Variants in SCML4 observed in about 807,000 individuals in gnomAD.
The protein encoded by SCML4 is sex comb on midleg-like protein 4.
In SCML4, 34 loss-of-function variants were observed where a neutral mutation model predicts 41.1. The observed-to-expected ratio is 0.83, with a 90% CI of 0.63 to 1.10. SCML4 has a LOEUF of 1.10. SCML4 is among the 50% of genes least tolerant of loss of function. The pLI, the probability that SCML4 is intolerant of heterozygous loss-of-function variation, is 0.00. For missense variants in SCML4, 522 were observed against 534.1 expected (o/e 0.98, Z 0.22); for synonymous variants, 214 against 220.9 (o/e 0.97, Z 0.28).
At chr6:107,838,575 G>T in the SCML4 span, among the ~76,000 whole-genome samples, 1 of 152,150 alleles carries the variant, frequency 6.6e-6, no homozygotes, top group South Asian at 2.1e-4. Flanking sequence ...TCATTCTAGA[G>T]TAACGGTGAG....
At chr6:107,839,473 G>A in the SCML4 span, among the ~76,000 whole-genome samples, 52 of 152,068 alleles carry the variant, frequency 3.4e-4, no homozygotes, top group Admixed American at 2.0e-3. Context: ...AAATTTACAG[G>A]CAAATATCAG....
At chr6:107,758,562 A>C (rs949657954) in intron 2 of SCML4, among the ~76,000 whole-genome samples, 5 of 152,254 alleles carry the variant, frequency 3.3e-5, no homozygotes, top group Admixed American at 1.3e-4. Flanking sequence ...AAATGAGTGC[A>C]TACTGCATTA....
chr6:107,747,315 A>C lies in SCML4; in HGVS notation c.287-426T>G, dbSNP rs188660201. ...TTCTTTGTTAACCGTCTACGAACAAAAAAATCAAGATGCCACTATCACTCC... is the reference window on the plus strand; with the variant it reads ...TTCTTTGTTAACCGTCTACGAACAACAAAATCAAGATGCCACTATCACTCC... On this transcript the variant is annotated intron_variant, in intron 3 of 7. Transcript: ENST00000369020. 3.3e-5 allele frequency among the ~76,000 whole-genome samples: 5 copies of C among 152,348 alleles called. No homozygotes were observed. In the East Asian group the frequency reaches 7.7e-4, roughly 23 times the overall value.
chr6:107,787,071 G>A (rs183203253), intron 1 of SCML4, among the ~76,000 whole-genome samples: 15 of 152,154 alleles, frequency 9.9e-5, no homozygotes, highest in Non-Finnish European at 1.8e-4. Flanking sequence ...TCCCTGTGTC[G>A]GCCCTGGACA....
At chr6:107,778,224 TATATATATATATATATATATA>T (rs1781180506) in intron 1 of SCML4, among the ~76,000 whole-genome samples, 1 of 8,566 alleles carries the variant, frequency 1.2e-4, no homozygotes. Flanking sequence ...AAAAAAAAAA[TATATATATATATATATATATA>T]TATATATATA....
chr6:107,773,323 G>C (rs1780663634), intron 1 of SCML4, among the ~76,000 whole-genome samples: 1 of 152,168 alleles, frequency 6.6e-6, no homozygotes. Context: ...CAGGCACACT[G>C]ACTCATGCCT....
intron 7 of SCML4, 108 bp downstream of exon 7, chr6:107,707,758 A>T (rs1583358623): frequency 2.8e-6 from 4 of 1,403,746 alleles, no homozygotes; most frequent in Non-Finnish European, 2.9e-6. Flanking sequence ...AGTTTAGAGC[A>T]CCCCTCCACC....
intron 1 of SCML4, among the ~76,000 whole-genome samples, chr6:107,795,959 A>G (rs968562023): frequency 6.6e-6 from 1 of 152,228 alleles, no homozygotes; most frequent in Non-Finnish European, 1.5e-5. Flanking sequence ...ACCCTTTTGC[A>G]TCTGGCTTTG....
At position 107,744,973 on chromosome 6, in the gene SCML4, T is replaced by C. The variant is rs1777934757; in HGVS notation, c.658A>G (p.Lys220Glu). ...CCTGATTCCATCCTCCCTTCCTCTTTCTCCTGGACTTTCTCAGAGGCACTG... is the reference window on the plus strand; with the variant it reads ...CCTGATTCCATCCTCCCTTCCTCTTCCTCCTGGACTTTCTCAGAGGCACTG... ...GCSASEKVQEKEEGRMESVKT... is the reference protein window; with the variant it reads ...GCSASEKVQEEEEGRMESVKT... Residue 220 changes from lysine to glutamate, a missense_variant, in exon 5 of 8, where the codon AAA becomes GAA. Coordinates refer to ENST00000369020, the MANE Select transcript of SCML4 (RefSeq NM_198081.5). 1 of 1,612,116 alleles carries C rather than the reference T, an allele frequency of 6.2e-7. No individual in the cohort carries two copies. Among genetic ancestry groups the C allele is most frequent in the South Asian group, 1.1e-5 (1 of 90,702 alleles).
intron 4 of SCML4, chr6:107,746,411 GA>G (rs1375815310): frequency 3.3e-5 from 14 of 426,750 alleles, no homozygotes; most frequent in South Asian, 5.3e-5. Flanking sequence ...TTGAAGTGGA[GA>G]AAAAAAAGCA....
At chr6:107,759,734 T>G (rs563839097) in intron 2 of SCML4, among the ~76,000 whole-genome samples, 123 of 152,336 alleles carry the variant, frequency 8.1e-4, no homozygotes, top group Admixed American at 4.5e-3. Flanking sequence ...AAAACATTCC[T>G]TCTGTAATAC....
chr6:107,839,454 AAAG>A, the SCML4 span, among the ~76,000 whole-genome samples: 1 of 152,088 alleles, frequency 6.6e-6, no homozygotes, highest in African/African-American at 2.4e-5. Flanking sequence ...ATAGGAAAGA[AAAG>A]AAAAGAAATT....
At chr6:107,787,740 A>C (rs940729455) in intron 1 of SCML4, among the ~76,000 whole-genome samples, 2 of 152,252 alleles carry the variant, frequency 1.3e-5, no homozygotes, top group East Asian at 3.9e-4. Flanking sequence ...CCAAGTCGGC[A>C]CCTTGCCAAG....
intron 5 of SCML4, among the ~76,000 whole-genome samples, chr6:107,723,073 G>C (rs1775593125): frequency 6.7e-6 from 1 of 149,258 alleles, no homozygotes; most frequent in South Asian, 2.1e-4. Context: ...GAAGGAAAGA[G>C]AGATGATTCA....
At chr6:107,780,049 C>T (rs1781362499) in intron 1 of SCML4, among the ~76,000 whole-genome samples, 1 of 152,206 alleles carries the variant, frequency 6.6e-6, no homozygotes. Context: ...CTCCTTACAG[C>T]CCCTGGTACA....
chr6:107,777,469 T>C lies in SCML4; in HGVS notation c.-59-5083A>G, dbSNP rs540990044. On this transcript the variant is annotated intron_variant, in intron 1 of 7. Coordinates refer to ENST00000369020, the MANE Select transcript of SCML4 (RefSeq NM_198081.5). Reference sequence around the variant, plus strand: ...TAGAAAAATAGGATAAAGAGAAAAATAAGCAATGAATGGATGATTCTTATT... The same window carrying C: ...TAGAAAAATAGGATAAAGAGAAAAACAAGCAATGAATGGATGATTCTTATT... 2.4e-4 allele frequency among the ~76,000 whole-genome samples: 36 copies of C among 152,166 alleles called. No individual in the cohort carries two copies. In the South Asian group the frequency reaches 5.0e-3, roughly 21 times the overall value.
intron 1 of SCML4, among the ~76,000 whole-genome samples, chr6:107,803,486 C>T (rs1036359998): frequency 1.3e-5 from 2 of 149,204 alleles, no homozygotes; most frequent in Admixed American, 6.6e-5. Flanking sequence ...GCGCCTCTGC[C>T]CGGCCGCCCC....
chr6:107,780,936 C>T (rs1781440184), intron 1 of SCML4, among the ~76,000 whole-genome samples: 1 of 150,748 alleles, frequency 6.6e-6, no homozygotes, highest in South Asian at 2.1e-4. Context: ...AGTCAATTGA[C>T]ATAAATTGTT....
At chr6:107,797,691 C>T (rs1782811599) in intron 1 of SCML4, among the ~76,000 whole-genome samples, 1 of 151,950 alleles carries the variant, frequency 6.6e-6, no homozygotes, top group Admixed American at 6.5e-5. Flanking sequence ...TGAGAAAGGA[C>T]ATCCATGCTT....
Sources: gnomAD v4.1 joint callset for allele counts (sites outside exome capture counted in the v4.1 genomes callset) on GRCh38, gnomAD v4.1.1 for gene constraint, MANE v1.5 for transcripts, NCBI Gene and HGNC (gene_info 2026-07-23, HGNC 2026-07-21) for gene names.